Variants in FBN3 observed in about 807,000 individuals in gnomAD.
The protein encoded by FBN3 is fibrillin 3, also known as fibrillin-3.
Under a neutral mutation model 330.1 loss-of-function variants are expected in FBN3, and 234 were observed. The observed-to-expected ratio is 0.71, with a 90% CI of 0.64 to 0.79. FBN3 has a LOEUF of 0.79. Among genes scored for constraint, FBN3 ranks in the 30% least tolerant of loss-of-function variants. The pLI, the probability that FBN3 is intolerant of heterozygous loss-of-function variation, is 0.00. For missense variants in FBN3, 3,606 were observed against 3,886.9 expected, an observed-to-expected ratio of 0.93 and a Z score of 1.92; for synonymous variants, 1,458 against 1,517.3, an observed-to-expected ratio of 0.96 and a Z score of 0.91.
chr19:8,073,920 G>A (rs1204175767), intron 61 of FBN3, among the ~76,000 whole-genome samples: 2 of 152,116 alleles, frequency 1.3e-5, no homozygotes, highest in African/African-American at 4.8e-5. Context: ...GGCCTCAAAT[G>A]ATCCCCCTAC....
In FBN3 at chr19:8,088,073, C is replaced by G. The variant is rs1265076992; in HGVS notation, c.6483G>C (p.Met2161Ile). 2.5e-6 allele frequency: 4 copies of G among 1,614,122 alleles called. No homozygotes were observed. The highest frequency in any genetic ancestry group is 2.7e-5 in the African/African-American group (2 of 75,050). The change falls in exon 52 of 64, where the codon ATG (methionine) becomes ATC (isoleucine). Residue 2161 changes from methionine (M) to isoleucine (I), a missense_variant. Physicochemically the swap from Met to Ile is conservative, Grantham distance 10. Transcript: ENST00000600128. Reference sequence around the variant, plus strand: ...GCAGAGTTGTACCCTCGCAGGTCATCATGAGGCCAGGCTCAAAGCCGTCAG... The same window carrying G: ...GCAGAGTTGTACCCTCGCAGGTCATGATGAGGCCAGGCTCAAAGCCGTCAG... ...ACADGFEPGLMMTCEDIDECS... is the reference protein window; with the variant it reads ...ACADGFEPGLIMTCEDIDECS...
chr19:8,100,890 C>T lies in FBN3; in HGVS notation c.5161+11G>A, dbSNP rs765389109. On this transcript the variant is annotated intron_variant, in intron 41 of 63. Transcript: ENST00000600128. ...GGGTGCCCAGGGATAGAGCAGGGAC[C>T]ACTCACTCACCAAGGGGCTTCCCCG... 6 of 1,611,966 alleles carry T rather than the reference C, an allele frequency of 3.7e-6. No individual in the cohort carries two copies. Among genetic ancestry groups the T allele is most frequent in the African/African-American group, 1.3e-5 (1 of 74,884 alleles).
chr19:8,092,519 C>G (rs748204357), intron 47 of FBN3, among the ~76,000 whole-genome samples: 1 of 151,910 alleles, frequency 6.6e-6, no homozygotes, highest in Non-Finnish European at 1.5e-5. Flanking sequence ...TGGAGACCAG[C>G]TTGGCCAACA....
chr19:8,109,301 G>A lies in FBN3; in HGVS notation c.4544C>T (p.Thr1515Ile), dbSNP rs763217405. The A allele has an allele frequency of 1.9e-6, 3 of 1,614,198 alleles. No homozygotes were observed. The highest frequency in any genetic ancestry group is 1.1e-5 in the South Asian group (1 of 91,084). Residue 1515 changes from threonine (T) to isoleucine (I), a missense_variant, in exon 36 of 64, where the codon ACC (threonine) becomes ATC (isoleucine). Physicochemically the swap from Thr to Ile is moderately conservative, Grantham distance 89 (BLOSUM62 -1). Transcript: ENST00000600128. The surrounding 1 kb of genome is among the most constrained non-coding windows in gnomAD (Gnocchi z 5.2). Reference sequence around the variant, plus strand: ...CAGGGAGCAACAGCAGGAAGCTCGGGTGACACCAACTCCGATCTCGGCACT... The same window carrying A: ...CAGGGAGCAACAGCAGGAAGCTCGGATGACACCAACTCCGATCTCGGCACT... ...SCSAEIGVGVTRASCCCSLGR... is the reference protein window; with the variant it reads ...SCSAEIGVGVIRASCCCSLGR...
rs1273395850 is a variant in FBN3, at chr19:8,111,250, G to C, written c.4085-67C>G. ...CAGGACCCACACAGGGTGGGCAGGA[G>C]GCCCCAGTCACTGGAACACTTCGCT... On this transcript the variant is annotated intron_variant, in intron 32 of 63. Transcript: ENST00000600128. 9 of 1,513,634 alleles carry C rather than the reference G, an allele frequency of 5.9e-6. No individual in the cohort carries two copies. The South Asian group carries it at 7.8e-5, about 13-fold the overall frequency. The allele number at this position is 1,513,634 out of a possible 1,614,324, so 93.8% of individuals were successfully genotyped here.
intron 1 of FBN3, among the ~76,000 whole-genome samples, chr19:8,148,526 C>T (rs1230270291): frequency 1.3e-5 from 2 of 152,198 alleles, no homozygotes; most frequent in Non-Finnish European, 2.9e-5. Flanking sequence ...TCCTGCCCCC[C>T]TTGGCTGGGT....
chr19:8,119,631 A>G (rs1599386519), intron 25 of FBN3, among the ~76,000 whole-genome samples: 1 of 151,732 alleles, frequency 6.6e-6, no homozygotes, highest in Non-Finnish European at 1.5e-5. Flanking sequence ...CTCCTGCCTC[A>G]GCCTCCCAAG....
intron 63 of FBN3, among the ~76,000 whole-genome samples, chr19:8,068,484 C>T (rs2145334645): frequency 6.6e-6 from 1 of 151,890 alleles, no homozygotes; most frequent in Non-Finnish European, 1.5e-5. Flanking sequence ...ATCACTTGAG[C>T]CCAGGAGTTT....
chr19:8,102,551 C>T (rs977848970), intron 40 of FBN3, among the ~76,000 whole-genome samples, 173 bp downstream of exon 40: 1 of 152,096 alleles, frequency 6.6e-6, no homozygotes, highest in Non-Finnish European at 1.5e-5. Context: ...ACCCAGTATC[C>T]AGTATTTCTT....
Position 8,137,040 on chromosome 19 carries a change from G to A in FBN3, c.1202-509C>T, listed in dbSNP as rs578005256. Among the ~76,000 whole-genome samples, 4 of 149,338 alleles carry A rather than the reference G, an allele frequency of 2.7e-5. 1 individual carries two copies. The highest frequency in any genetic ancestry group is 2.0e-4 in the East Asian group (1 of 4,930). ...CTAGATCCCTCCAAACTGGCACCTC[G>A]ATCCCTTCAACCTGGGACCTGGATC... On this transcript the variant is annotated intron_variant, in intron 10 of 63. Coordinates refer to ENST00000600128, the MANE Select transcript of FBN3 (RefSeq NM_032447.5).
At chr19:8,100,811 A>G in intron 41 of FBN3, 90 bp downstream of exon 41, 2 of 985,022 alleles carry the variant, frequency 2.0e-6, no homozygotes, top group Non-Finnish European at 3.2e-6. Context: ...AGTGGATGTA[A>G]GGAAAAGAGC....
At position 8,144,860 on chromosome 19, in the gene FBN3, C is replaced by G. The variant is rs749011704; in HGVS notation, c.541+17G>C. 2 of 1,580,178 alleles carry G rather than the reference C, an allele frequency of 1.3e-6. No individual in the cohort carries two copies. The highest frequency in any genetic ancestry group is 1.7e-6 in the Non-Finnish European group (2 of 1,161,062). The stretch of plus-strand genomic sequence containing the variant: ...ATCGAGTCCCCTGTCTACCTCCCAC[C>G]CGCGCATGCTTGGTACCTCTCTCAC... On this transcript the variant is annotated intron_variant, in intron 6 of 63. Transcript: ENST00000600128.
intron 59 of FBN3, among the ~76,000 whole-genome samples, chr19:8,076,201 T>A (rs1007485767): frequency 6.6e-5 from 10 of 151,358 alleles, no homozygotes; most frequent in African/African-American, 2.2e-4. Context: ...GAAAAAAAAA[T>A]AAATCTCTGT....
intron 59 of FBN3, among the ~76,000 whole-genome samples, chr19:8,076,164 A>G (rs534832904): frequency 6.6e-6 from 1 of 152,078 alleles, no homozygotes; most frequent in East Asian, 1.9e-4. Flanking sequence ...TGCCACCTTG[A>G]TCTTGAACTG....
At chr19:8,087,598 A>ATTTTTTT (rs35631767) in intron 53 of FBN3, among the ~76,000 whole-genome samples, 1 of 75,452 alleles carries the variant, frequency 1.3e-5, no homozygotes, top group Non-Finnish European at 2.4e-5. Context: ...GCATTGCAGG[A>ATTTTTTT]TTTTTTTTTT....
chr19:8,083,221 G>A, intron 57 of FBN3, 26 bp downstream of exon 57: 1 of 1,613,466 alleles, frequency 6.2e-7, no homozygotes, highest in South Asian at 1.1e-5. Flanking sequence ...TGGGCCAAGG[G>A]TGCAGGTGCA....
At chr19:8,119,076 G>T in intron 25 of FBN3, 54 bp from the exon 26 acceptor site, 1 of 1,549,740 alleles carries the variant, frequency 6.5e-7, no homozygotes, top group South Asian at 1.2e-5. Flanking sequence ...ATGCAGGGAG[G>T]GGGTGATGAG....
In FBN3 at chr19:8,121,459, T is replaced by C; in HGVS notation, c.3083-73A>G. 3 of 1,414,146 alleles carry C rather than the reference T, an allele frequency of 2.1e-6. No homozygotes were observed. Among genetic ancestry groups the C allele is most frequent in the South Asian group, 2.9e-5 (2 of 69,112 alleles). 87.6% of individuals were successfully genotyped at this position (1,414,146 alleles called of 1,614,324 possible). ...ATGGGGCACGAGGCAGGGGGGTCCC[T>C]GTCCTTTGATGGAGGTGTGGGCTAG... On this transcript the variant is annotated intron_variant, in intron 24 of 63. Transcript: ENST00000600128. This position sits in a 1 kb window ranked among gnomAD's most constrained non-coding sequence, Gnocchi z 4.5.
At chr19:8,147,573 G>C in intron 1 of FBN3, 76 bp from the exon 2 acceptor site, 1 of 1,307,792 alleles carries the variant, frequency 7.6e-7, no homozygotes, top group Non-Finnish European at 1.0e-6. Context: ...AACGAGGAGG[G>C]CAGGGTGGTT....
Sources: allele counts gnomAD v4.1 joint callset (sites outside exome capture counted in the v4.1 genomes callset), GRCh38; gene constraint gnomAD v4.1.1; non-coding constraint Gnocchi (gnomAD v3.1); transcripts MANE v1.5; gene names NCBI Gene and HGNC (gene_info 2026-07-23, HGNC 2026-07-21).